The following GPRC5C variants were observed in gnomAD, a reference collection of about 807,000 sequenced individuals.
GPRC5C encodes the protein G protein-coupled receptor class C group 5 member C.
In GPRC5C, 22 loss-of-function variants were observed where a neutral mutation model predicts 31.4. The ratio of observed to expected loss-of-function variants is 0.70; its 90% CI spans 0.50 to 1.00. The LOEUF (loss-of-function observed/expected upper bound fraction) is 1.00, where lower values mean the gene tolerates loss of function less well. Ranked by LOEUF, GPRC5C falls within the 50% of genes least tolerant of loss-of-function variation. GPRC5C has a pLI of 0.00. For missense variants in GPRC5C, 557 were observed against 597.2 expected (o/e 0.93, Z 0.70); for synonymous variants, 249 against 257.5 (o/e 0.97, Z 0.32).
At chr17:74,437,266 T>C (rs889745435) in intron 1 of GPRC5C, among the ~76,000 whole-genome samples, 1 of 152,184 alleles carries the variant, frequency 6.6e-6, no homozygotes, top group African/African-American at 2.4e-5. Context: ...TTACTCCTCT[T>C]TCCAGCACTT....
At chr17:74,447,676 G>A, downstream of GPRC5C, among the ~76,000 whole-genome samples, 1 of 152,218 alleles carries the variant, frequency 6.6e-6, no homozygotes, top group East Asian at 1.9e-4. Flanking sequence ...TGCCTAGGAT[G>A]CAGTCCCGCA....
chr17:74,447,090 CA>C lies in GPRC5C; in HGVS notation c.*64del. On this transcript the variant is annotated 3_prime_UTR_variant, in exon 4 of 4. Coordinates refer to ENST00000392627, the MANE Select transcript of GPRC5C (RefSeq NM_022036.4). Reference sequence around the variant, plus strand: ...AGGGCCCTGAGGACCTGGCCCCGGGCAAGGGACTCTCCAGGCTCCTCCTCCC... The same window carrying C: ...AGGGCCCTGAGGACCTGGCCCCGGGCAGGGACTCTCCAGGCTCCTCCTCCC... The C allele has an allele frequency of 6.4e-7, 1 of 1,558,416 alleles. No homozygotes were observed. The highest frequency in any genetic ancestry group is 2.3e-5 in the East Asian group (1 of 44,002).
At chr17:74,432,212 G>T in intron 1 of GPRC5C, 71 bp downstream of exon 1, 1 of 1,557,794 alleles carries the variant, frequency 6.4e-7, no homozygotes, top group Non-Finnish European at 8.7e-7. Context: ...CTGGAGCGCG[G>T]CGGGCGCCCG....
downstream of GPRC5C, chr17:74,449,024 G>A (rs972896382): frequency 2.3e-5 from 13 of 577,220 alleles, no homozygotes; most frequent in East Asian, 6.9e-5. Flanking sequence ...GGCCGGCCCC[G>A]GGGAGCCTGC....
intron 3 of GPRC5C, 119 bp downstream of exon 3, chr17:74,444,031 C>A: frequency 2.9e-6 from 2 of 687,808 alleles, no homozygotes; most frequent in Admixed American, 2.9e-5. Flanking sequence ...AAGGGGAAGG[C>A]AAGCTTCTCC....
chr17:74,450,142 G>A (rs2055699493), downstream of GPRC5C: 1 of 152,328 alleles, frequency 6.6e-6, no homozygotes, highest in Non-Finnish European at 1.5e-5. Context: ...CTGAGATGAG[G>A]GCAGCTCTCT....
chr17:74,432,623 G>T, intron 1 of GPRC5C: 2 of 646,780 alleles, frequency 3.1e-6, no homozygotes, highest in Non-Finnish European at 3.8e-6. Flanking sequence ...CATCCTGCGG[G>T]CTGGGGACGC....
At chr17:74,443,667 G>A (rs769947306) in intron 2 of GPRC5C, 151 bp from the exon 3 acceptor site, 1 of 664,654 alleles carries the variant, frequency 1.5e-6, no homozygotes, top group Non-Finnish European at 2.8e-6. Flanking sequence ...TCACCCCCAA[G>A]TTGGCCACTC....
At chr17:74,450,434 C>T (rs2055702508), downstream of GPRC5C, 3 of 152,274 alleles carry the variant, frequency 2.0e-5, no homozygotes, top group African/African-American at 4.8e-5. Flanking sequence ...GTCTAGGCCT[C>T]TCTCGTGACT....
Position 74,439,922 on chromosome 17 carries a change from G to T in GPRC5C, c.146G>T (p.Trp49Leu). 1 of 1,612,256 alleles carries T rather than the reference G, an allele frequency of 6.2e-7. No individual in the cohort carries two copies. Reference protein sequence around the residue: ...YYNLCDRSGAWGIVLEAVAGA... With the variant: ...YYNLCDRSGALGIVLEAVAGA... ...AACCTGTGTGACCGCTCTGGGGCGT[G>T]GGGCATCGTCCTGGAGGCCGTGGCT... The change falls in exon 2 of 4, where the codon TGG becomes TTG. Residue 49 changes from tryptophan to leucine, a missense_variant. By Grantham distance (61) the Trp-to-Leu change is moderately conservative. Coordinates refer to ENST00000392627, the MANE Select transcript of GPRC5C (RefSeq NM_022036.4).
chr17:74,446,761 C>A (rs1331276983), intron 3 of GPRC5C, 88 bp from the exon 4 acceptor site: 24 of 1,057,316 alleles, frequency 2.3e-5, no homozygotes, highest in Non-Finnish European at 3.3e-5. Flanking sequence ...TCTGGCAGTC[C>A]CAGCCCTGCA....
downstream of GPRC5C, chr17:74,449,249 T>C: frequency 3.0e-6 from 2 of 676,788 alleles, no homozygotes; most frequent in Non-Finnish European, 4.7e-6. Context: ...TCCTGGGGAC[T>C]GAAACACTAT....
intron 2 of GPRC5C, chr17:74,443,516 G>A (rs1474932288): frequency 1.8e-6 from 1 of 540,990 alleles, no homozygotes. Context: ...GGATGTGGAA[G>A]TTGCTGACAG....
chr17:74,440,732 C>G lies in GPRC5C; in HGVS notation c.956C>G (p.Thr319Ser), dbSNP rs1301123497. The G allele has an allele frequency of 4.4e-6, 7 of 1,595,932 alleles. No homozygotes were observed. Among genetic ancestry groups the G allele is most frequent in the Non-Finnish European group, 6.0e-6 (7 of 1,167,562 alleles). Residue 319 changes from threonine to serine, a missense_variant, in exon 2 of 4, where the codon ACC (threonine) becomes AGC (serine). Transcript: ENST00000392627. The surrounding 1 kb of genome is among the most constrained non-coding windows in gnomAD (Gnocchi z 4.4). ...AGCTACCAGGGGGACATGTACCCCA[C>G]CCGGGGCGTGGGCTATGAGACCATC... ...EQSYQGDMYP[T>S]RGVGYETILK...
At chr17:74,449,338 C>A, downstream of GPRC5C, 2 of 1,301,440 alleles carry the variant, frequency 1.5e-6, no homozygotes, top group Non-Finnish European at 2.0e-6. Context: ...ACTTTAGGCT[C>A]AGTCCCCACA....
At position 74,440,846 on chromosome 17, in the gene GPRC5C, C is replaced by A; in HGVS notation, c.1051+19C>A. 6.9e-7 allele frequency: 1 copy of A among 1,449,456 alleles called. No individual in the cohort carries two copies. The highest frequency in any genetic ancestry group is 9.1e-7 in the Non-Finnish European group (1 of 1,094,872). 89.8% of individuals were successfully genotyped at this position (1,449,456 alleles called of 1,614,324 possible). On this transcript the variant is annotated intron_variant, in intron 2 of 3. Coordinates refer to ENST00000392627, the MANE Select transcript of GPRC5C (RefSeq NM_022036.4). This position sits in a 1 kb window ranked among gnomAD's most constrained non-coding sequence, Gnocchi z 4.4. ...GTTGCAGGTGGGTCTCTGTGGATGC[C>A]CCCAGTGGCCCCTTTCTCCATCCCA...
intron 2 of GPRC5C, chr17:74,443,238 AAAT>A: frequency 4.5e-6 from 1 of 220,946 alleles, no homozygotes; most frequent in Non-Finnish European, 9.1e-6. Flanking sequence ...CTGGAGCTAA[AAAT>A]AGTTCTGGAA....
intron 1 of GPRC5C, 64 bp downstream of exon 1, chr17:74,432,205 G>C (rs1425914920): frequency 4.5e-6 from 7 of 1,563,664 alleles, no homozygotes; most frequent in Non-Finnish European, 6.1e-6. Flanking sequence ...CACGTACCTG[G>C]AGCGCGGCGG....
Position 74,432,104 on chromosome 17 carries a change from C to A in GPRC5C, c.-70C>A. ...GGCAGGGCCAGAAACTCCCATCTCC[C>A]TCACCAGCCGGAAAGTACGAGTCGG... is the stretch of plus-strand genomic sequence containing the variant. On this transcript the variant is annotated 5_prime_UTR_variant, in exon 1 of 4. Coordinates refer to ENST00000392627, the MANE Select transcript of GPRC5C (RefSeq NM_022036.4). The A allele has an allele frequency of 6.2e-7, 1 of 1,613,476 alleles. No individual in the cohort carries two copies. Among genetic ancestry groups the A allele is most frequent in the Non-Finnish European group, 8.5e-7 (1 of 1,179,850 alleles).
Sources: gnomAD v4.1 joint callset for allele counts (sites outside exome capture counted in the v4.1 genomes callset) on GRCh38, gnomAD v4.1.1 for gene constraint, Gnocchi (gnomAD v3.1) non-coding constraint, MANE v1.5 for transcripts, NCBI Gene and HGNC (gene_info 2026-07-23, HGNC 2026-07-21) for gene names.